Variants in DLEU7 observed in about 807,000 individuals in gnomAD.
DLEU7 encodes the protein deleted in lymphocytic leukemia 7.
A neutral mutation model predicts 16.0 loss-of-function variants in DLEU7; 17 were observed. The observed-to-expected ratio is 1.06, with a 90% CI of 0.73 to 1.59. The LOEUF (loss-of-function observed/expected upper bound fraction) is 1.59, where lower values mean the gene tolerates loss of function less well. Ranked by LOEUF, DLEU7 falls within the 40% of genes most tolerant of loss-of-function variation. The pLI, the probability that DLEU7 is intolerant of heterozygous loss-of-function variation, is 0.00. For synonymous variants in DLEU7, 113 were observed against 139.8 expected (o/e 0.81, Z 1.35); for missense variants, 308 against 314.9 (o/e 0.98, Z 0.17).
intron 1 of DLEU7, among the ~76,000 whole-genome samples, chr13:50,732,936 A>G (rs1256557229): frequency 2.6e-5 from 4 of 152,136 alleles, no homozygotes; most frequent in Non-Finnish European, 5.9e-5. Context: ...CAGAAAAAAC[A>G]TCACTCACTG....
At chr13:50,773,799 C>G (rs916448819) in intron 1 of DLEU7, among the ~76,000 whole-genome samples, 2 of 152,234 alleles carry the variant, frequency 1.3e-5, no homozygotes, top group Non-Finnish European at 1.5e-5. Context: ...AACGACTGCT[C>G]TCTTCAGAGC....
intron 1 of DLEU7, among the ~76,000 whole-genome samples, chr13:50,816,869 C>T (rs1386632697): frequency 6.6e-6 from 1 of 152,032 alleles, no homozygotes; most frequent in African/African-American, 2.4e-5. Flanking sequence ...CTTCCCCTCT[C>T]CTCCCTCCAT....
intron 1 of DLEU7, among the ~76,000 whole-genome samples, chr13:50,777,898 T>G (rs1055787171): frequency 4.6e-5 from 7 of 152,130 alleles, no homozygotes; most frequent in African/African-American, 1.7e-4. Flanking sequence ...TATATTTCAT[T>G]AGGAGGGGCA....
chr13:50,750,711 A>C (rs1874537461), intron 1 of DLEU7, among the ~76,000 whole-genome samples: 1 of 152,074 alleles, frequency 6.6e-6, no homozygotes, highest in African/African-American at 2.4e-5. Flanking sequence ...GCTATCGTAA[A>C]AGGGGTTGAG....
intron 1 of DLEU7, among the ~76,000 whole-genome samples, chr13:50,831,169 G>A (rs1877253974): frequency 4.0e-5 from 6 of 151,798 alleles, no homozygotes; most frequent in Admixed American, 2.6e-4. Context: ...GAAAAGAAAA[G>A]AAAAGAGAAA....
intron 1 of DLEU7, among the ~76,000 whole-genome samples, chr13:50,720,799 G>A (rs551441527): frequency 9.2e-5 from 14 of 152,226 alleles, no homozygotes; most frequent in African/African-American, 2.6e-4. Flanking sequence ...GCAAATAATT[G>A]TATAAATCAG....
intron 1 of DLEU7, among the ~76,000 whole-genome samples, chr13:50,727,032 G>T (rs79113643): frequency 1.3e-5 from 2 of 152,156 alleles, no homozygotes; most frequent in Non-Finnish European, 2.9e-5. Context: ...TCTGCTAGAG[G>T]TGCCCAGCAA....
chr13:50,795,024 T>C (rs1296635940), intron 1 of DLEU7, among the ~76,000 whole-genome samples: 1 of 144,840 alleles, frequency 6.9e-6, no homozygotes, highest in African/African-American at 2.6e-5. Context: ...TAATTAAGAA[T>C]TAAATATTCT....
downstream of DLEU7, chr13:50,711,128 A>G (rs1483063301): frequency 7.2e-6 from 1 of 138,860 alleles, no homozygotes; most frequent in African/African-American, 2.6e-5. Flanking sequence ...AAAATTGGCA[A>G]AAATACCAAA....
intron 1 of DLEU7, among the ~76,000 whole-genome samples, chr13:50,769,968 G>A (rs1875245803): frequency 6.6e-6 from 1 of 151,934 alleles, no homozygotes; most frequent in African/African-American, 2.4e-5. Context: ...TCGTTGAGCA[G>A]TGGTTTGTAG....
At chr13:50,768,653 A>G (rs1430562082) in intron 1 of DLEU7, among the ~76,000 whole-genome samples, 2 of 152,118 alleles carry the variant, frequency 1.3e-5, no homozygotes, top group East Asian at 1.9e-4. Context: ...CATAGTATAT[A>G]TGTGCTACAT....
chr13:50,843,402 C>CGCT lies in DLEU7; in HGVS notation c.244_245insAGC (p.Ala81_Arg82insGln). The CGCT allele has an allele frequency of 7.6e-7, 1 of 1,318,180 alleles. No individual in the cohort carries two copies. Among genetic ancestry groups the CGCT allele is most frequent in the Non-Finnish European group, 9.6e-7 (1 of 1,037,470 alleles). The allele number at this position is 1,318,180 out of a possible 1,614,324, so 81.7% of individuals were successfully genotyped here. A position where few individuals can be genotyped will look rare whatever the true frequency, so the allele number is the denominator to read the frequency against. ...TACCTCCTCCTCTGGGGAGTTCGCC[C>CGCT]GCGCCGCGGTCCGCCGACTCCTGGT... On this transcript the variant is annotated inframe_insertion, in exon 1 of 2. Coordinates refer to ENST00000504404, the MANE Select transcript of DLEU7 (RefSeq NM_001306135.2). This position sits in a 1 kb window ranked among gnomAD's most constrained non-coding sequence, Gnocchi z 5.7.
exon 2 of DLEU7, chr13:50,713,047 T>A: frequency 1.5e-6 from 1 of 670,092 alleles, no homozygotes; most frequent in South Asian, 1.9e-5. Context: ...AAGTCAGAGA[T>A]CCACAGAGAC....
In DLEU7 at chr13:50,734,763, G is replaced by A. The variant is rs190342479; in HGVS notation, c.460-21523C>T. Among the ~76,000 whole-genome samples, 13 of 152,192 alleles carry A rather than the reference G, an allele frequency of 8.5e-5. No individual in the cohort carries two copies. In the East Asian group the frequency reaches 2.1e-3, roughly 25 times the overall value. ...TGCCATGCATACTACTGGAATCCTAGAAGAAAATAATAGGGTAGAAAAGTA... is the reference window on the plus strand; with the variant it reads ...TGCCATGCATACTACTGGAATCCTAAAAGAAAATAATAGGGTAGAAAAGTA... On this transcript the variant is annotated intron_variant, in intron 1 of 1. Transcript: ENST00000400393.
intron 1 of DLEU7, among the ~76,000 whole-genome samples, chr13:50,799,294 T>TA (rs1933790143): frequency 6.6e-6 from 1 of 152,178 alleles, no homozygotes; most frequent in South Asian, 2.1e-4. Flanking sequence ...AATGCATTGA[T>TA]ACAATCCTCA....
chr13:50,728,796 A>G (rs1249487633), intron 1 of DLEU7, among the ~76,000 whole-genome samples: 2 of 151,982 alleles, frequency 1.3e-5, no homozygotes, highest in Non-Finnish European at 2.9e-5. Context: ...AATAGCACAC[A>G]TTTCTCTCAA....
chr13:50,793,853 T>G (rs1876036897), intron 1 of DLEU7, among the ~76,000 whole-genome samples: 1 of 152,238 alleles, frequency 6.6e-6, no homozygotes, highest in African/African-American at 2.4e-5. Flanking sequence ...CTCTTTAGTT[T>G]AATTTGGACC....
At chr13:50,753,207 C>T (rs968032267) in intron 1 of DLEU7, among the ~76,000 whole-genome samples, 5 of 152,228 alleles carry the variant, frequency 3.3e-5, no homozygotes, top group African/African-American at 1.2e-4. Context: ...TAAAGGTTCT[C>T]CACATCCCCA....
At chr13:50,720,335 C>G (rs886539653) in intron 1 of DLEU7, among the ~76,000 whole-genome samples, 5 of 152,182 alleles carry the variant, frequency 3.3e-5, no homozygotes, top group Non-Finnish European at 4.4e-5. Context: ...GTCAGCCAAA[C>G]TTGGTAAGAT....
Sources: gnomAD v4.1 joint callset for allele counts (sites outside exome capture counted in the v4.1 genomes callset) on GRCh38, gnomAD v4.1.1 for gene constraint, Gnocchi (gnomAD v3.1) non-coding constraint, MANE v1.5 for transcripts, NCBI Gene and HGNC (gene_info 2026-07-23, HGNC 2026-07-21) for gene names.